The following SCN2A variants were observed in gnomAD, a reference collection of about 807,000 sequenced individuals.
The protein encoded by SCN2A is sodium voltage-gated channel alpha subunit 2, also known as sodium channel protein type 2 subunit alpha.
In SCN2A, 20 loss-of-function variants were observed where a neutral mutation model predicts 188.7. The observed-to-expected ratio is 0.11, with a 90% CI of 0.07 to 0.15. SCN2A has a LOEUF of 0.15. Among genes scored for constraint, SCN2A ranks in the 10% least tolerant of loss-of-function variants. The pLI is 1.00. For missense variants in SCN2A, 1,278 were observed against 2,445.0 expected (o/e 0.52, Z 10.07); for synonymous variants, 804 against 833.1 (o/e 0.97, Z 0.60).
Position 165,312,044 on chromosome 2 carries a change from G to A in SCN2A, c.990G>A (p.Glu330=). 1 of 1,611,988 alleles carries A rather than the reference G, an allele frequency of 6.2e-7. No homozygotes were observed. Among genetic ancestry groups the A allele is most frequent in the Non-Finnish European group, 8.5e-7 (1 of 1,178,882 alleles). ...IEDKSHFYFL[E]GQNDALLCGN... is the part of the protein sequence containing the mutation. ...AAATAGGTCACTTTTATTTTTTAGA[G>A]GGGCAAAATGATGCTCTGCTTTGTG... The change falls in exon 8 of 27, where the codon GAG becomes GAA. Residue 330 remains glutamate (E), a synonymous_variant. Coordinates refer to ENST00000375437, the MANE Select transcript of SCN2A (RefSeq NM_001040142.2).
chr2:165,249,876 A>C (rs1306295566), intron 1 of SCN2A, among the ~76,000 whole-genome samples: 1 of 152,080 alleles, frequency 6.6e-6, no homozygotes, highest in Non-Finnish European at 1.5e-5. Context: ...CTGAAAAAAA[A>C]TTCCACTGAA....
At chr2:165,328,822 G>A (rs1378155500) in intron 13 of SCN2A, among the ~76,000 whole-genome samples, 2 of 152,178 alleles carry the variant, frequency 1.3e-5, no homozygotes, top group South Asian at 4.1e-4. Flanking sequence ...GTGTATTTGT[G>A]AGAAATAATG....
intron 14 of SCN2A, among the ~76,000 whole-genome samples, chr2:165,335,299 AT>A (rs1172716259): frequency 6.6e-6 from 1 of 151,702 alleles, no homozygotes; most frequent in Non-Finnish European, 1.5e-5. Context: ...ATGCCACACA[AT>A]CTTAACTAGA....
intron 16 of SCN2A, among the ~76,000 whole-genome samples, chr2:165,350,482 T>C (rs1157358414): frequency 6.2e-5 from 7 of 113,436 alleles, no homozygotes; most frequent in African/African-American, 1.5e-4. Context: ...TTTTTTTTTT[T>C]TTTTTTTTGA....
chr2:165,382,966 T>G (rs777533869), intron 25 of SCN2A, among the ~76,000 whole-genome samples: 3 of 152,170 alleles, frequency 2.0e-5, no homozygotes, highest in Non-Finnish European at 4.4e-5. Context: ...TCAAATGACA[T>G]GGATTTACCT....
At chr2:165,290,728 T>G (rs916129786) in intron 1 of SCN2A, 3 of 979,674 alleles carry the variant, frequency 3.1e-6, no homozygotes, top group Non-Finnish European at 3.6e-6. Context: ...TCATAGAGAT[T>G]TATGAAATAT....
At chr2:165,302,515 C>G (rs1696872422) in intron 3 of SCN2A, among the ~76,000 whole-genome samples, 2 of 152,102 alleles carry the variant, frequency 1.3e-5, no homozygotes, top group South Asian at 4.1e-4. Context: ...AATGTCTTTT[C>G]CTTCCTATAG....
chr2:165,312,432 T>G (rs1372629269), intron 8 of SCN2A, among the ~76,000 whole-genome samples: 1 of 152,158 alleles, frequency 6.6e-6, no homozygotes, highest in Non-Finnish European at 1.5e-5. Flanking sequence ...GTGTTCTCCA[T>G]AGCTTAAAAT....
intron 1 of SCN2A, chr2:165,285,701 C>T: frequency 4.4e-6 from 1 of 226,956 alleles, no homozygotes; most frequent in East Asian, 1.1e-4. Flanking sequence ...AACCTCTCAG[C>T]TCTAGCAATC....
chr2:165,329,481 T>C (rs1331339043), intron 13 of SCN2A, among the ~76,000 whole-genome samples: 1 of 151,580 alleles, frequency 6.6e-6, no homozygotes, highest in Non-Finnish European at 1.5e-5. Flanking sequence ...GATTCCCCCC[T>C]TTTTTTTGGA....
intron 3 of SCN2A, among the ~76,000 whole-genome samples, chr2:165,299,063 T>A (rs1280572112): frequency 6.6e-6 from 1 of 152,160 alleles, no homozygotes; most frequent in Non-Finnish European, 1.5e-5. Flanking sequence ...TTAAAACTTT[T>A]GTAATAGACC....
chr2:165,319,744 G>A (rs943714240), intron 11 of SCN2A, among the ~76,000 whole-genome samples: 8 of 152,188 alleles, frequency 5.3e-5, no homozygotes, highest in African/African-American at 1.9e-4. Flanking sequence ...GACCCATTCA[G>A]TACCATGAGA....
chr2:165,351,396 C>A (rs753172797), intron 16 of SCN2A, among the ~76,000 whole-genome samples: 2 of 152,058 alleles, frequency 1.3e-5, no homozygotes, highest in African/African-American at 4.8e-5. Context: ...ATTGAGTTAT[C>A]AATTCATAAA....
At chr2:165,378,779 GGA>G (rs147407528) in intron 23 of SCN2A, among the ~76,000 whole-genome samples, 20,887 of 151,626 alleles carry the variant, frequency 0.14, 1,480 homozygotes, top group Non-Finnish European at 0.15. Context: ...CAAAACTCCT[GGA>G]ATTTCCAGCA....
chr2:165,292,006 GC>G (rs1262024662), intron 1 of SCN2A, among the ~76,000 whole-genome samples: 1 of 152,090 alleles, frequency 6.6e-6, no homozygotes, highest in Non-Finnish European at 1.5e-5. Flanking sequence ...GGCTAGAGCT[GC>G]TACAGCATCT....
chr2:165,243,758 A>G (rs1693724620), intron 1 of SCN2A: 1 of 152,074 alleles, frequency 6.6e-6, no homozygotes, highest in African/African-American at 2.4e-5. Context: ...TCTAAGGTGA[A>G]TGCATTTTCT....
At chr2:165,244,434 C>A (rs1482242112) in intron 1 of SCN2A, among the ~76,000 whole-genome samples, 1 of 151,590 alleles carries the variant, frequency 6.6e-6, no homozygotes, top group Non-Finnish European at 1.5e-5. Context: ...TGGTAATGTT[C>A]CATTAAACTT....
chr2:165,327,234 A>G, intron 13 of SCN2A: 1 of 448,862 alleles, frequency 2.2e-6, no homozygotes, highest in Non-Finnish European at 4.1e-6. Context: ...CATACATTAA[A>G]TTCTAAACAT....
At chr2:165,314,428 C>A (rs1209097844) in intron 10 of SCN2A, among the ~76,000 whole-genome samples, 1 of 152,076 alleles carries the variant, frequency 6.6e-6, no homozygotes, top group African/African-American at 2.4e-5. Flanking sequence ...ACCTACATGT[C>A]CTCAGTTGAA....
Sources: gnomAD v4.1 joint callset for allele counts (sites outside exome capture counted in the v4.1 genomes callset) on GRCh38, gnomAD v4.1.1 for gene constraint, MANE v1.5 for transcripts, NCBI Gene and HGNC (gene_info 2026-07-23, HGNC 2026-07-21) for gene names.